The following POLD2 variants were observed in gnomAD, a reference collection of about 807,000 sequenced individuals.
POLD2 encodes DNA polymerase delta subunit 2.
Under a neutral mutation model 48.8 loss-of-function variants are expected in POLD2, and 31 were observed. That is an observed-to-expected ratio of 0.64 (90% confidence interval 0.48 to 0.86). The LOEUF (loss-of-function observed/expected upper bound fraction) is 0.86, where lower values mean the gene tolerates loss of function less well. Among genes scored for constraint, POLD2 ranks in the 40% least tolerant of loss-of-function variants. The probability of loss-of-function intolerance (pLI) is 0.00; values close to 1 mark genes in which losing one functional copy is unlikely to be tolerated. For missense variants in POLD2, 455 were observed against 610.1 expected (o/e 0.75, Z 2.68); for synonymous variants, 233 against 256.3 (o/e 0.91, Z 0.87).
chr7:44,115,634 C>A (rs1583560525), intron 9 of POLD2, 132 bp downstream of exon 9: 1 of 1,049,234 alleles, frequency 9.5e-7, no homozygotes, highest in South Asian at 1.6e-5. Flanking sequence ...AGGTGCCAAG[C>A]CTCTGAACTT....
upstream of POLD2, chr7:44,123,725 G>T: frequency 7.5e-7 from 1 of 1,341,612 alleles, no homozygotes; most frequent in Non-Finnish European, 9.5e-7. Context: ...CGGTTTCCTG[G>T]GCAACGCGGG....
upstream of POLD2, chr7:44,124,166 C>G (rs1238266663): frequency 6.6e-6 from 1 of 152,484 alleles, no homozygotes; most frequent in African/African-American, 2.4e-5. Flanking sequence ...GCTTCCAGCC[C>G]AACACTCCCC....
At chr7:44,115,274 C>T in intron 10 of POLD2, 21 bp downstream of exon 10, 2 of 1,520,346 alleles carry the variant, frequency 1.3e-6, no homozygotes, top group African/African-American at 1.4e-5. Context: ...TCAGCCTGGG[C>T]CCCCAGAAGA....
chr7:44,116,954 T>C lies in POLD2; in HGVS notation c.643A>G (p.Thr215Ala), dbSNP rs200723893. Residue 215 changes from threonine to alanine, a missense_variant, in exon 6 of 11, where the codon ACC becomes GCC. Around this residue, in one of 3 missense-constraint regions of POLD2, gnomAD observed 349 missense variants for 437.4 expected, o/e 0.80. Coordinates refer to ENST00000610533, the MANE Select transcript of POLD2 (RefSeq NM_006230.4). This position sits in a 1 kb window ranked among gnomAD's most constrained non-coding sequence, Gnocchi z 6.1. Reference protein sequence around the residue: ...GGGGGESLLGTQLLVDVVTGQ... With the variant: ...GGGGGESLLGAQLLVDVVTGQ... ...GTCACCACATCCACCAGCAGCTGGG[T>C]GCCCAGCAGGCTCTCGCCTCCACCG... 12 of 1,613,546 alleles carry C rather than the reference T, an allele frequency of 7.4e-6. No homozygotes were observed. Among genetic ancestry groups the C allele is most frequent in the Non-Finnish European group, 1.0e-5 (12 of 1,179,986 alleles).
Position 44,116,073 on chromosome 7 carries a change from G to T in POLD2, c.1019+42C>A. The T allele has an allele frequency of 6.2e-7, 1 of 1,612,450 alleles. No homozygotes were observed. Among genetic ancestry groups the T allele is most frequent in the East Asian group, 2.2e-5 (1 of 44,868 alleles). On this transcript the variant is annotated intron_variant, in intron 8 of 10. Coordinates refer to ENST00000610533, the MANE Select transcript of POLD2 (RefSeq NM_006230.4). This position sits in a 1 kb window ranked among gnomAD's most constrained non-coding sequence, Gnocchi z 6.1. ...CCCTCCCTTCTTTGTGCCTCCTGAGGCAAAAGGCTGGGTCAGACTGAAGTG... is the reference window on the plus strand; with the variant it reads ...CCCTCCCTTCTTTGTGCCTCCTGAGTCAAAAGGCTGGGTCAGACTGAAGTG...
Position 44,121,383 on chromosome 7 carries a change from T to C in POLD2, c.220+451A>G, listed in dbSNP as rs1388276502. Among the ~76,000 whole-genome samples, 1 of 151,908 alleles carries C rather than the reference T, an allele frequency of 6.6e-6. No individual in the cohort carries two copies. Among genetic ancestry groups the C allele is most frequent in the African/African-American group, 2.4e-5 (1 of 41,306 alleles). On this transcript the variant is annotated intron_variant, in intron 2 of 10. Transcript: ENST00000610533. The surrounding 1 kb of genome is among the most constrained non-coding windows in gnomAD (Gnocchi z 4.5). ...CAGGAAAATTCATGGCCAGCAAATA[T>C]GGGGGCCAGGAGGAGAGGCAAACAG...
In POLD2 at chr7:44,118,637, C is replaced by T. The variant is rs377680813; in HGVS notation, c.221-573G>A. Among the ~76,000 whole-genome samples, 44 of 152,144 alleles carry T rather than the reference C, an allele frequency of 2.9e-4. 2 individuals are homozygous for T. The highest frequency in any genetic ancestry group is 2.1e-3 in the East Asian group (11 of 5,168). ...ACGCCATTCTCCTGCCTCAGCCTCC[C>T]GAGTAGCTGGGACTACAGGCGTGTG... On this transcript the variant is annotated intron_variant, in intron 2 of 10. Transcript: ENST00000610533.
chr7:44,123,150 G>A, intron 1 of POLD2: 1 of 762,314 alleles, frequency 1.3e-6, no homozygotes, highest in Non-Finnish European at 1.8e-6. Context: ...CAATTGATTT[G>A]TTTCGTTTTA....
rs993465370 is a variant in POLD2 at position 44,116,333 on chromosome 7, C to T, written c.862-61G>A. ...CCGAAGGAGCCCCCTACACCAACTC[C>T]GGCCACTCCCCCTGCCCTCCTGCCT... On this transcript the variant is annotated intron_variant, in intron 7 of 10. Coordinates refer to ENST00000610533, the MANE Select transcript of POLD2 (RefSeq NM_006230.4). This position sits in a 1 kb window ranked among gnomAD's most constrained non-coding sequence, Gnocchi z 6.1. 4.4e-6 allele frequency: 7 copies of T among 1,597,098 alleles called. No individual in the cohort carries two copies. Among genetic ancestry groups the T allele is most frequent in the Non-Finnish European group, 6.0e-6 (7 of 1,169,574 alleles).
At chr7:44,117,863 C>A in intron 3 of POLD2, 80 bp downstream of exon 3, 1 of 1,596,710 alleles carries the variant, frequency 6.3e-7, no homozygotes, top group Non-Finnish European at 8.6e-7. Context: ...CCTGCTTCCC[C>A]ACAACCCCAC....
chr7:44,120,293 C>G (rs961084025), intron 2 of POLD2, among the ~76,000 whole-genome samples: 1 of 152,178 alleles, frequency 6.6e-6, no homozygotes, highest in African/African-American at 2.4e-5. Flanking sequence ...GCTCCAATAA[C>G]TGGAAGAGAA....
chr7:44,118,342 G>T, intron 2 of POLD2: 1 of 322,392 alleles, frequency 3.1e-6, no homozygotes, highest in Non-Finnish European at 5.8e-6. Flanking sequence ...GTGTGAAGAC[G>T]GGCAGAGCGG....
chr7:44,118,766 G>A (rs887214580), intron 2 of POLD2, among the ~76,000 whole-genome samples: 17 of 151,680 alleles, frequency 1.1e-4, no homozygotes, highest in African/African-American at 2.9e-4. Context: ...TGATCTGCCC[G>A]CCTCGGCCTC....
At chr7:44,117,504 TG>T in intron 4 of POLD2, 114 bp downstream of exon 4, 1 of 1,309,092 alleles carries the variant, frequency 7.6e-7, no homozygotes, top group Non-Finnish European at 1.1e-6. Context: ...AGAACACACG[TG>T]TGCCCAGGCC....
chr7:44,123,695 A>G (rs983054260), upstream of POLD2: 9 of 1,352,770 alleles, frequency 6.7e-6, no homozygotes, highest in Admixed American at 3.7e-4. Flanking sequence ...GGACGCCCAG[A>G]GAACGCGGAG....
At position 44,121,706 on chromosome 7, in the gene POLD2, A is replaced by G; in HGVS notation, c.220+128T>C. ...ACTATCTTAAGAAGAAACTGAGGGAAAAAGAGGTTAATTTTCCCAAGGTAA... is the reference window on the plus strand; with the variant it reads ...ACTATCTTAAGAAGAAACTGAGGGAGAAAGAGGTTAATTTTCCCAAGGTAA... On this transcript the variant is annotated intron_variant, in intron 2 of 10. Coordinates refer to ENST00000610533, the MANE Select transcript of POLD2 (RefSeq NM_006230.4). This position sits in a 1 kb window ranked among gnomAD's most constrained non-coding sequence, Gnocchi z 4.5. The G allele has an allele frequency of 1.1e-6, 1 of 905,790 alleles. No individual in the cohort carries two copies. The allele number at this position is 905,790 out of a possible 1,614,324, so 56.1% of individuals were successfully genotyped here. A position where few individuals can be genotyped will look rare whatever the true frequency, so the allele number is the denominator to read the frequency against.
intron 2 of POLD2, among the ~76,000 whole-genome samples, chr7:44,120,273 T>G (rs1309009456): frequency 6.6e-6 from 1 of 152,130 alleles, no homozygotes; most frequent in African/African-American, 2.4e-5. Context: ...ACTGGGGAGC[T>G]TTTTTGACAG....
rs748328242 is a variant in POLD2 at position 44,117,139 on chromosome 7, G to C, written c.575C>G (p.Thr192Arg). ...APQKPAPPLD[T>R]DRFVLLVSGL... ...CCCGAGAACTGCTGCTCACCTATCT[G>C]TGTCAAGTGGGGGTGCGGGCTTCTG... is the stretch of plus-strand genomic sequence containing the variant. The change falls in exon 5 of 11, where the codon ACA (threonine) becomes AGA (arginine). Residue 192 changes from threonine (T) to arginine (R), a missense_variant. Physicochemically the swap from Thr to Arg is moderately conservative, Grantham distance 71. This residue lies in a region of POLD2 where 349 missense variants were observed against 437.4 expected (regional missense o/e 0.80). Coordinates refer to ENST00000610533, the MANE Select transcript of POLD2 (RefSeq NM_006230.4). The C allele has an allele frequency of 3.7e-6, 6 of 1,613,460 alleles. No individual in the cohort carries two copies. The Admixed American group carries it at 5.0e-5, about 13-fold the overall frequency.
chr7:44,116,319 C>T lies in POLD2; in HGVS notation c.862-47G>A. 1 of 1,598,994 alleles carries T rather than the reference C, an allele frequency of 6.3e-7. No individual in the cohort carries two copies. The highest frequency in any genetic ancestry group is 8.5e-7 in the Non-Finnish European group (1 of 1,171,230). ...GAGCTCACAGGGCCCCGAAGGAGCC[C>T]CCTACACCAACTCCGGCCACTCCCC... On this transcript the variant is annotated intron_variant, in intron 7 of 10. Transcript: ENST00000610533. This position sits in a 1 kb window ranked among gnomAD's most constrained non-coding sequence, Gnocchi z 6.1.
Sources: allele counts gnomAD v4.1 joint callset (sites outside exome capture counted in the v4.1 genomes callset), GRCh38; gene constraint gnomAD v4.1.1; regional missense constraint gnomAD v4.1.1; non-coding constraint Gnocchi (gnomAD v3.1); transcripts MANE v1.5; gene names NCBI Gene and HGNC (gene_info 2026-07-23, HGNC 2026-07-21).